The following AUTS2 variants were observed in gnomAD, a reference collection of about 807,000 sequenced individuals.
AUTS2 encodes the protein activator of transcription and developmental regulator AUTS2, also known as autism susceptibility gene 2 protein.
In AUTS2, 17 loss-of-function variants were observed where a neutral mutation model predicts 112.4. The ratio of observed to expected loss-of-function variants is 0.15; its 90% CI spans 0.10 to 0.23. The LOEUF (loss-of-function observed/expected upper bound fraction) is 0.23. Among genes scored for constraint, AUTS2 ranks in the 10% least tolerant of loss-of-function variants. The pLI is 1.00. For missense variants in AUTS2, 1,510 were observed against 1,701.6 expected, an observed-to-expected ratio of 0.89 and a Z score of 1.98; for synonymous variants, 751 against 702.7, an observed-to-expected ratio of 1.07 and a Z score of -1.09.
In AUTS2 at chr7:70,467,300, C is replaced by T. The variant is rs60550855; in HGVS notation, c.690+31519C>T. 8.2e-3 allele frequency among the ~76,000 whole-genome samples: 1,253 copies of T among 152,294 alleles called. 18 individuals are homozygous for T. Among genetic ancestry groups the T allele is most frequent in the African/African-American group, 0.029 (1,188 of 41,576 alleles). On this transcript the variant is annotated intron_variant, in intron 5 of 18. Transcript: ENST00000342771. The stretch of plus-strand genomic sequence containing the variant: ...CTCATACCTAATTTTATATTCATAA[C>T]TTTGTATTCATTTTCTTAAAAAGCA...
intron 2 of AUTS2, among the ~76,000 whole-genome samples, chr7:69,949,725 CTCT>C (rs1358133445): frequency 6.6e-6 from 1 of 152,124 alleles, no homozygotes; most frequent in Non-Finnish European, 1.5e-5. Context: ...TTCCATGATG[CTCT>C]TCTTCCAAAT....
chr7:69,665,963 G>A (rs149284980), intron 1 of AUTS2, among the ~76,000 whole-genome samples: 121 of 152,238 alleles, frequency 7.9e-4, no homozygotes, highest in African/African-American at 2.6e-3. Context: ...CTGCCATCAC[G>A]GAGTTAGAGT....
intron 5 of AUTS2, among the ~76,000 whole-genome samples, chr7:70,514,820 C>T (rs951937380): frequency 4.6e-5 from 7 of 152,192 alleles, no homozygotes; most frequent in Admixed American, 2.6e-4. Context: ...TGTCAACAGA[C>T]ATTTTAATAT....
intron 1 of AUTS2, among the ~76,000 whole-genome samples, chr7:69,810,169 C>T (rs559157749): frequency 1.3e-5 from 2 of 152,316 alleles, no homozygotes; most frequent in African/African-American, 4.8e-5. Context: ...TCTTGTCCTT[C>T]CCATCTTTAT....
intron 5 of AUTS2, among the ~76,000 whole-genome samples, chr7:70,675,957 C>G: frequency 6.6e-6 from 1 of 152,148 alleles, no homozygotes; most frequent in Non-Finnish European, 1.5e-5. Flanking sequence ...GGGGACCGCT[C>G]CATGGGGCAG....
intron 2 of AUTS2, among the ~76,000 whole-genome samples, chr7:70,109,450 C>A (rs1020513467): frequency 6.6e-6 from 1 of 152,136 alleles, no homozygotes; most frequent in Non-Finnish European, 1.5e-5. Context: ...TCTGGCCTTT[C>A]TCTTTAATTC....
intron 1 of AUTS2, among the ~76,000 whole-genome samples, chr7:69,770,949 A>T (rs140023863): frequency 6.6e-6 from 1 of 152,222 alleles, no homozygotes; most frequent in Non-Finnish European, 1.5e-5. Flanking sequence ...GCTACTTAAA[A>T]GAGTTAATGG....
intron 2 of AUTS2, among the ~76,000 whole-genome samples, chr7:70,035,782 C>A (rs1257821323): frequency 6.6e-6 from 1 of 152,148 alleles, no homozygotes; most frequent in African/African-American, 2.4e-5. Flanking sequence ...TTTCTTCTTA[C>A]CACACTCTTG....
chr7:69,783,828 T>C (rs1377010549), intron 1 of AUTS2, among the ~76,000 whole-genome samples: 1 of 152,204 alleles, frequency 6.6e-6, no homozygotes, highest in Non-Finnish European at 1.5e-5. Context: ...TTTGAATAGG[T>C]ATCATCATTC....
intron 1 of AUTS2, among the ~76,000 whole-genome samples, chr7:69,759,525 G>A (rs542185965): frequency 5.1e-4 from 78 of 152,066 alleles, no homozygotes; most frequent in African/African-American, 1.7e-3. Context: ...TTTCGGATTA[G>A]GGTTGTGCAA....
chr7:69,895,649 G>A (rs920557301), intron 1 of AUTS2, among the ~76,000 whole-genome samples: 2 of 151,814 alleles, frequency 1.3e-5, no homozygotes, highest in African/African-American at 2.4e-5. Flanking sequence ...CACGGCATGG[G>A]GTCCATTTGC....
chr7:70,505,158 G>A (rs1413304625), intron 5 of AUTS2, among the ~76,000 whole-genome samples: 2 of 152,162 alleles, frequency 1.3e-5, no homozygotes, highest in African/African-American at 4.8e-5. Context: ...ATAGATGACT[G>A]TAAGCATATT....
chr7:69,881,232 C>A (rs1230243549), intron 1 of AUTS2, among the ~76,000 whole-genome samples: 1 of 152,180 alleles, frequency 6.6e-6, no homozygotes, highest in African/African-American at 2.4e-5. Context: ...CCAAACCTTA[C>A]TGTATGTGTC....
intron 1 of AUTS2, among the ~76,000 whole-genome samples, chr7:69,848,128 C>T (rs117621543): frequency 1.3e-3 from 197 of 152,252 alleles, no homozygotes; most frequent in Non-Finnish European, 2.2e-3. Context: ...CCACAGGTGG[C>T]CCTCATACCC....
chr7:70,116,392 CTT>C (rs2129572287), intron 2 of AUTS2, among the ~76,000 whole-genome samples: 1 of 151,992 alleles, frequency 6.6e-6, no homozygotes, highest in Non-Finnish European at 1.5e-5. Context: ...GAACTGTAGT[CTT>C]TAAAGACTAC....
intron 2 of AUTS2, among the ~76,000 whole-genome samples, chr7:69,920,447 C>G: frequency 6.6e-6 from 1 of 152,028 alleles, no homozygotes; most frequent in Middle Eastern, 3.4e-3. Flanking sequence ...CCACCATGCC[C>G]GGCTGTTTTT....
At chr7:69,657,570 A>G (rs769813426) in intron 1 of AUTS2, among the ~76,000 whole-genome samples, 25 of 152,188 alleles carry the variant, frequency 1.6e-4, no homozygotes, top group Non-Finnish European at 2.5e-4. Flanking sequence ...TGGAATGATA[A>G]TTAAAAAGGA....
chr7:70,479,593 C>A (rs1462471739), intron 5 of AUTS2, among the ~76,000 whole-genome samples: 1 of 151,994 alleles, frequency 6.6e-6, no homozygotes, highest in Non-Finnish European at 1.5e-5. Context: ...TTTCCGTTCA[C>A]CAGCATGAAT....
rs1811234127 is a variant in AUTS2, at chr7:70,217,539, C to A, written c.660+82968C>A. Reference sequence around the variant, plus strand: ...AACTGCAAAGACTAAAAAACGAAAGCCTTTATTTCCCAGTCTGTCTTGCAG... The same window carrying A: ...AACTGCAAAGACTAAAAAACGAAAGACTTTATTTCCCAGTCTGTCTTGCAG... On this transcript the variant is annotated intron_variant, in intron 4 of 18. Transcript: ENST00000342771. 8.5e-5 allele frequency among the ~76,000 whole-genome samples: 13 copies of A among 152,132 alleles called. No individual in the cohort carries two copies. The South Asian group carries it at 2.5e-3, about 29-fold the overall frequency.
Sources: gnomAD v4.1 joint callset for allele counts (sites outside exome capture counted in the v4.1 genomes callset) on GRCh38, gnomAD v4.1.1 for gene constraint, MANE v1.5 for transcripts, NCBI Gene and HGNC (gene_info 2026-07-23, HGNC 2026-07-21) for gene names.